The following KHDRBS2 variants were observed in gnomAD, a reference collection of about 807,000 sequenced individuals.
The protein encoded by KHDRBS2 is KH domain-containing, RNA-binding, signal transduction-associated protein 2.
In KHDRBS2, 26 loss-of-function variants were observed where a neutral mutation model predicts 44.3. The observed-to-expected ratio is 0.59, with a 90% CI of 0.43 to 0.81. KHDRBS2 has a LOEUF of 0.81. KHDRBS2 is among the 40% of genes least tolerant of loss of function. The pLI is 0.00. For missense variants in KHDRBS2, 476 were observed against 433.1 expected (o/e 1.10, Z -0.88); for synonymous variants, 194 against 151.1 (o/e 1.28, Z -2.08).
chr6:62,115,297 T>A (rs1477577708), intron 2 of KHDRBS2, among the ~76,000 whole-genome samples: 1 of 152,152 alleles, frequency 6.6e-6, no homozygotes, highest in East Asian at 1.9e-4. Context: ...TATATTCTGC[T>A]CAGCACCTTA....
intron 2 of KHDRBS2, among the ~76,000 whole-genome samples, chr6:62,112,831 G>C (rs1805327706): frequency 1.3e-5 from 2 of 152,068 alleles, no homozygotes; most frequent in African/African-American, 4.8e-5. Context: ...AGCAATTGGT[G>C]CATCAAAATT....
At chr6:61,589,880 C>T in the KHDRBS2 span, among the ~76,000 whole-genome samples, 26 of 152,116 alleles carry the variant, frequency 1.7e-4, 1 homozygote, top group Admixed American at 1.7e-3. Flanking sequence ...TATAGTCAGT[C>T]CCGTTCACCA....
At chr6:61,608,918 T>C in the KHDRBS2 span, among the ~76,000 whole-genome samples, 1 of 152,196 alleles carries the variant, frequency 6.6e-6, no homozygotes, top group Non-Finnish European at 1.5e-5. Flanking sequence ...TGTGTCTTTA[T>C]AGTAGAATGA....
At chr6:62,004,181 C>T (rs374176434) in intron 3 of KHDRBS2, among the ~76,000 whole-genome samples, 49 of 152,000 alleles carry the variant, frequency 3.2e-4, no homozygotes, top group African/African-American at 1.1e-3. Flanking sequence ...AATAGAGACA[C>T]GAAAAATCCT....
intron 6 of KHDRBS2, among the ~76,000 whole-genome samples, chr6:61,763,266 C>A (rs1005553615): frequency 1.3e-5 from 2 of 152,080 alleles, no homozygotes; most frequent in Non-Finnish European, 1.5e-5. Flanking sequence ...GGATTTGAAA[C>A]GGGCTTTATA....
intron 6 of KHDRBS2, among the ~76,000 whole-genome samples, chr6:61,742,950 G>C (rs1562074700): frequency 6.6e-6 from 1 of 151,954 alleles, no homozygotes; most frequent in Non-Finnish European, 1.5e-5. Context: ...GCATATTTCT[G>C]AAATCTAGAT....
chr6:62,080,907 G>A (rs1797265415), intron 2 of KHDRBS2, among the ~76,000 whole-genome samples: 1 of 152,036 alleles, frequency 6.6e-6, no homozygotes, highest in Admixed American at 6.6e-5. Context: ...GCTCCCTTAT[G>A]GCAGCCTTCT....
chr6:61,596,294 G>A, the KHDRBS2 span, among the ~76,000 whole-genome samples: 2 of 152,182 alleles, frequency 1.3e-5, no homozygotes, highest in African/African-American at 4.8e-5. Flanking sequence ...ACTGCTAACA[G>A]GGGAAGCCAA....
chr6:62,028,560 C>A (rs180959139), intron 3 of KHDRBS2, among the ~76,000 whole-genome samples: 126 of 152,090 alleles, frequency 8.3e-4, no homozygotes, highest in African/African-American at 2.8e-3. Flanking sequence ...TAGATATGAA[C>A]CATGAAATCT....
chr6:61,671,615 G>A, the KHDRBS2 span, among the ~76,000 whole-genome samples: 1 of 151,498 alleles, frequency 6.6e-6, no homozygotes, highest in South Asian at 2.1e-4. Context: ...TTGGAAAACT[G>A]GTACCTGTTA....
chr6:61,667,773 CA>C, the KHDRBS2 span, among the ~76,000 whole-genome samples: 1 of 151,270 alleles, frequency 6.6e-6, no homozygotes, highest in Non-Finnish European at 1.5e-5. Context: ...CATTTAGTCA[CA>C]GGCTAGCATT....
At chr6:62,147,796 A>C (rs1316363891) in intron 2 of KHDRBS2, among the ~76,000 whole-genome samples, 3 of 151,966 alleles carry the variant, frequency 2.0e-5, no homozygotes, top group Non-Finnish European at 4.4e-5. Context: ...TCTTTACACG[A>C]AAGTTTCTTT....
chr6:61,737,538 A>G (rs146979767), intron 6 of KHDRBS2, among the ~76,000 whole-genome samples: 25 of 152,266 alleles, frequency 1.6e-4, no homozygotes, highest in African/African-American at 5.5e-4. Flanking sequence ...TGCATCCTAC[A>G]TGTTAAAAAC....
intron 4 of KHDRBS2, among the ~76,000 whole-genome samples, chr6:61,965,308 C>T (rs1042196484): frequency 2.6e-5 from 4 of 151,962 alleles, no homozygotes; most frequent in Admixed American, 6.6e-5. Flanking sequence ...GGCAAGAGGA[C>T]CCAGTCTAGA....
chr6:61,923,007 T>C (rs1365848631), intron 4 of KHDRBS2, among the ~76,000 whole-genome samples: 1 of 152,036 alleles, frequency 6.6e-6, no homozygotes, highest in African/African-American at 2.4e-5. Context: ...AAATTAGCTG[T>C]CAAAGACATT....
chr6:61,550,894 C>T, the KHDRBS2 span, among the ~76,000 whole-genome samples: 9 of 151,400 alleles, frequency 5.9e-5, no homozygotes, highest in East Asian at 1.6e-3. Context: ...TCCTCATCTT[C>T]CCAAGTAGCT....
intron 1 of KHDRBS2, among the ~76,000 whole-genome samples, chr6:62,247,252 G>GT (rs1563130953): frequency 6.6e-6 from 1 of 151,898 alleles, no homozygotes; most frequent in South Asian, 2.1e-4. Flanking sequence ...ACATAATTGT[G>GT]TTTTTTGCCA....
chr6:62,046,549 A>G (rs769861997), intron 3 of KHDRBS2, among the ~76,000 whole-genome samples: 1 of 151,968 alleles, frequency 6.6e-6, no homozygotes, highest in African/African-American at 2.4e-5. Context: ...AGTTTATAAT[A>G]TAACAGTATG....
intron 6 of KHDRBS2, among the ~76,000 whole-genome samples, chr6:61,894,142 A>AT (rs549672119): frequency 1.3e-5 from 2 of 152,050 alleles, no homozygotes; most frequent in Non-Finnish European, 2.9e-5. Flanking sequence ...TTCATTGTAT[A>AT]TTTTTTTGAA....
Sources: gnomAD v4.1 joint callset for allele counts (sites outside exome capture counted in the v4.1 genomes callset) on GRCh38, gnomAD v4.1.1 for gene constraint, MANE v1.5 for transcripts, NCBI Gene and HGNC (gene_info 2026-07-23, HGNC 2026-07-21) for gene names.